Variants in SHISA9 observed in about 807,000 individuals in gnomAD.
SHISA9 encodes the protein shisa family member 9.
Under a neutral mutation model 38.0 loss-of-function variants are expected in SHISA9, and 13 were observed. The ratio of observed to expected loss-of-function variants is 0.34; its 90% CI spans 0.22 to 0.54. The LOEUF (loss-of-function observed/expected upper bound fraction) is 0.54, where lower values mean the gene tolerates loss of function less well. SHISA9 is among the 20% of genes least tolerant of loss of function. The probability of loss-of-function intolerance (pLI) is 0.91; values close to 1 mark genes in which losing one functional copy is unlikely to be tolerated. For missense variants in SHISA9, 538 were observed against 575.8 expected, an observed-to-expected ratio of 0.93 and a Z score of 0.67; for synonymous variants, 275 against 242.0, an observed-to-expected ratio of 1.14 and a Z score of -1.27.
chr16:13,115,382 T>C (rs1254201053), intron 2 of SHISA9, among the ~76,000 whole-genome samples: 1 of 152,252 alleles, frequency 6.6e-6, no homozygotes, highest in Non-Finnish European at 1.5e-5. Context: ...TTTCTATAGA[T>C]GTTAAATTAA....
chr16:13,308,109 C>G, the SHISA9 span, among the ~76,000 whole-genome samples: 1 of 152,004 alleles, frequency 6.6e-6, no homozygotes, highest in Non-Finnish European at 1.5e-5. Context: ...GAGATCCTCT[C>G]AGAAAATAAT....
At chr16:13,094,445 G>A (rs1188895281) in intron 2 of SHISA9, among the ~76,000 whole-genome samples, 2 of 151,662 alleles carry the variant, frequency 1.3e-5, no homozygotes, top group African/African-American at 2.4e-5. Context: ...CTTGTTTACA[G>A]ATGACTAGGC....
chr16:13,294,862 G>T, the SHISA9 span, among the ~76,000 whole-genome samples: 1 of 152,196 alleles, frequency 6.6e-6, no homozygotes, highest in African/African-American at 2.4e-5. Flanking sequence ...GAGGATGACT[G>T]TGAATGAAAG....
chr16:13,250,958 G>C, the SHISA9 span, among the ~76,000 whole-genome samples: 757 of 152,306 alleles, frequency 5.0e-3, 9 homozygotes, highest in African/African-American at 0.018. Context: ...GTGGACTACT[G>C]TTGAGAATCA....
rs112724276 is a variant in SHISA9 at position 12,932,266 on chromosome 16, A to G, written c.691+15451A>G. ...CACTCATAGTTAGCATTTATGGGAT[A>G]TTTGCTGTATGATAGGTGTTTCAAA... On this transcript the variant is annotated intron_variant, in intron 2 of 4. Coordinates refer to ENST00000558583, the MANE Select transcript of SHISA9 (RefSeq NM_001145204.3). 3.9e-3 allele frequency among the ~76,000 whole-genome samples: 591 copies of G among 152,272 alleles called. 4 individuals carry two copies. Among genetic ancestry groups the G allele is most frequent in the African/African-American group, 0.013 (552 of 41,554 alleles).
At chr16:12,978,447 T>C (rs188195298) in intron 2 of SHISA9, among the ~76,000 whole-genome samples, 2 of 152,372 alleles carry the variant, frequency 1.3e-5, no homozygotes, top group African/African-American at 4.8e-5. Flanking sequence ...AATGTAATTA[T>C]TCTCCATGTA....
the SHISA9 span, among the ~76,000 whole-genome samples, chr16:13,324,559 G>GT: frequency 2.0e-5 from 3 of 152,112 alleles, no homozygotes; most frequent in Non-Finnish European, 2.9e-5. Context: ...TGCAGGGGTT[G>GT]TTTTTTTCAA....
intron 2 of SHISA9, among the ~76,000 whole-genome samples, chr16:13,135,599 T>G (rs1540272): frequency 0.022 from 3,340 of 152,336 alleles, 117 homozygotes; most frequent in African/African-American, 0.074. Flanking sequence ...TCTTGTTGCC[T>G]CAGCCTTCCT....
chr16:13,075,883 T>C (rs2073575239), intron 2 of SHISA9, among the ~76,000 whole-genome samples: 1 of 152,134 alleles, frequency 6.6e-6, no homozygotes, highest in East Asian at 1.9e-4. Context: ...AGGATGGCCC[T>C]GTGCATTCTA....
At chr16:13,330,591 C>G in the SHISA9 span, among the ~76,000 whole-genome samples, 18 of 152,314 alleles carry the variant, frequency 1.2e-4, no homozygotes, top group South Asian at 3.7e-3. Flanking sequence ...CTTCCACGCT[C>G]TTTTATTTTG....
At chr16:13,045,734 G>A (rs2073180100) in intron 2 of SHISA9, among the ~76,000 whole-genome samples, 1 of 135,418 alleles carries the variant, frequency 7.4e-6, no homozygotes, top group Non-Finnish European at 1.6e-5. Context: ...AAGTGACTGG[G>A]GAGCTTTTGT....
the SHISA9 span, among the ~76,000 whole-genome samples, chr16:13,426,263 A>G: frequency 1.3e-5 from 2 of 152,250 alleles, no homozygotes; most frequent in South Asian, 2.1e-4. Flanking sequence ...TCTCACAACA[A>G]TTTTATGAGA....
chr16:13,378,224 T>C, the SHISA9 span, among the ~76,000 whole-genome samples: 6 of 152,210 alleles, frequency 3.9e-5, no homozygotes, highest in South Asian at 1.2e-3. Context: ...CAGGGATTGC[T>C]CCAATATGGC....
intron 2 of SHISA9, among the ~76,000 whole-genome samples, chr16:13,013,348 G>T (rs1038458416): frequency 3.9e-5 from 6 of 152,130 alleles, no homozygotes; most frequent in Non-Finnish European, 7.4e-5. Context: ...TTAGCCTGGG[G>T]CCTGTCCTGG....
At chr16:13,126,742 T>G (rs2050260949) in intron 2 of SHISA9, among the ~76,000 whole-genome samples, 1 of 99,332 alleles carries the variant, frequency 1.0e-5, no homozygotes, top group African/African-American at 4.1e-5. Flanking sequence ...AGAGAGTGAC[T>G]GAGGGAAGAA....
intron 2 of SHISA9, among the ~76,000 whole-genome samples, chr16:13,186,569 T>G (rs1222351391): frequency 6.6e-6 from 1 of 152,138 alleles, no homozygotes; most frequent in Non-Finnish European, 1.5e-5. Flanking sequence ...GTGCTGAGAT[T>G]ACAGGTGTGA....
the SHISA9 span, among the ~76,000 whole-genome samples, chr16:13,492,643 T>C: frequency 1.3e-5 from 2 of 152,188 alleles, no homozygotes; most frequent in African/African-American, 2.4e-5. Flanking sequence ...GTATCTAACA[T>C]AGCACCTGAC....
At chr16:12,912,740 C>G (rs2071202462) in intron 1 of SHISA9, among the ~76,000 whole-genome samples, 1 of 152,182 alleles carries the variant, frequency 6.6e-6, no homozygotes, top group South Asian at 2.1e-4. Context: ...GCATCTCCTC[C>G]CAATCCCCGC....
intron 2 of SHISA9, among the ~76,000 whole-genome samples, chr16:13,124,938 CCT>C (rs1350583634): frequency 6.6e-6 from 1 of 151,074 alleles, no homozygotes; most frequent in African/African-American, 2.4e-5. Context: ...GAAATGAATC[CCT>C]CTCTCTCACC....
Sources: allele counts gnomAD v4.1 joint callset (sites outside exome capture counted in the v4.1 genomes callset), GRCh38; gene constraint gnomAD v4.1.1; transcripts MANE v1.5; gene names NCBI Gene and HGNC (gene_info 2026-07-23, HGNC 2026-07-21).